Variants in CDC14A observed in about 807,000 individuals in gnomAD.
CDC14A encodes the protein cell division cycle 14A.
Under a neutral mutation model 74.4 loss-of-function variants are expected in CDC14A, and 53 were observed. The ratio of observed to expected loss-of-function variants is 0.71; its 90% CI spans 0.57 to 0.89. CDC14A has a LOEUF of 0.89. Among genes scored for constraint, CDC14A ranks in the 40% least tolerant of loss-of-function variants. The probability of loss-of-function intolerance (pLI) is 0.00; values close to 1 mark genes in which losing one functional copy is unlikely to be tolerated. For missense variants in CDC14A, 646 were observed against 713.7 expected (o/e 0.91, Z 1.08); for synonymous variants, 247 against 258.4 (o/e 0.96, Z 0.43).
chr1:100,459,833 C>G (rs1025029548), intron 8 of CDC14A, among the ~76,000 whole-genome samples: 4 of 152,228 alleles, frequency 2.6e-5, no homozygotes, highest in African/African-American at 7.2e-5. Flanking sequence ...AAGCCACAAA[C>G]AGTTGTTCAC....
intron 4 of CDC14A, among the ~76,000 whole-genome samples, chr1:100,413,232 G>A (rs1470561988): frequency 6.6e-6 from 1 of 152,114 alleles, no homozygotes; most frequent in Non-Finnish European, 1.5e-5. Context: ...CTTTCTCTAA[G>A]CAACAACTCT....
intron 2 of CDC14A, among the ~76,000 whole-genome samples, chr1:100,361,723 G>A (rs941100732): frequency 6.6e-6 from 1 of 152,214 alleles, no homozygotes; most frequent in Non-Finnish European, 1.5e-5. Flanking sequence ...GGAGTCACAG[G>A]TCACAGCAGC....
At chr1:100,452,407 G>T (rs1416755747) in intron 7 of CDC14A, among the ~76,000 whole-genome samples, 1 of 152,132 alleles carries the variant, frequency 6.6e-6, no homozygotes, top group Non-Finnish European at 1.5e-5. Flanking sequence ...AGCTACTTGG[G>T]AGGCTAAAGC....
At chr1:100,418,743 T>A (rs905636548) in intron 4 of CDC14A, among the ~76,000 whole-genome samples, 27 of 152,202 alleles carry the variant, frequency 1.8e-4, no homozygotes, top group Non-Finnish European at 4.0e-4. Flanking sequence ...AATTTAAGAC[T>A]CAGGGCCTTT....
In CDC14A at chr1:100,356,035, A is replaced by T. The variant is rs189526014; in HGVS notation, c.140+2183A>T. Among the ~76,000 whole-genome samples, 504 of 151,770 alleles carry T rather than the reference A, an allele frequency of 3.3e-3. 2 individuals are homozygous for T. The highest frequency in any genetic ancestry group is 4.7e-3 in the Non-Finnish European group (317 of 67,994). ...GAGAGGAGGGATCTTGGAAAACAGC[A>T]AGTGTGAGGAGGGGAGAGGCTTGGG... is the stretch of plus-strand genomic sequence containing the variant. On this transcript the variant is annotated intron_variant, in intron 2 of 15. Transcript: ENST00000336454.
At chr1:100,449,153 A>G (rs1665863550) in intron 7 of CDC14A, among the ~76,000 whole-genome samples, 1 of 152,188 alleles carries the variant, frequency 6.6e-6, no homozygotes, top group South Asian at 2.1e-4. Context: ...CTATTCTAGA[A>G]AGTGATTTCA....
At position 100,519,008 on chromosome 1, in the gene CDC14A, G is replaced by C. The variant is rs964253814; in HGVS notation, c.*728G>C. ...CAATTTGAGTTAGTTTTGCATCCTG[G>C]GGGGCTTTAAAATACAGCATGCAGT... On this transcript the variant is annotated 3_prime_UTR_variant, in exon 16 of 16. Transcript: ENST00000336454. 5 of 152,024 alleles carry C rather than the reference G, an allele frequency of 3.3e-5. No homozygotes were observed. Among genetic ancestry groups the C allele is most frequent in the Admixed American group, 2.0e-4 (3 of 15,266 alleles). 9.4% of individuals were successfully genotyped at this position (152,024 alleles called of 1,614,324 possible).
At chr1:100,360,754 C>G (rs547949562) in intron 2 of CDC14A, among the ~76,000 whole-genome samples, 1 of 152,252 alleles carries the variant, frequency 6.6e-6, no homozygotes, top group Admixed American at 6.5e-5. Context: ...GAGTTGATCT[C>G]TAATCTTCAT....
chr1:100,383,677 G>A (rs991941898), intron 3 of CDC14A: 4 of 152,508 alleles, frequency 2.6e-5, no homozygotes, highest in African/African-American at 9.7e-5. Flanking sequence ...CGGTCCCTGT[G>A]CTGTGATCTC....
intron 15 of CDC14A, among the ~76,000 whole-genome samples, chr1:100,507,739 C>T (rs1666482142): frequency 6.6e-6 from 1 of 152,124 alleles, no homozygotes. Context: ...TCTCAGCTCA[C>T]TGCAACCTCC....
intron 15 of CDC14A, among the ~76,000 whole-genome samples, chr1:100,517,634 T>G (rs750230020): frequency 6.6e-6 from 1 of 152,232 alleles, no homozygotes; most frequent in Non-Finnish European, 1.5e-5. Flanking sequence ...TATGGTTTAC[T>G]TGAAAATTGC....
intron 5 of CDC14A, among the ~76,000 whole-genome samples, chr1:100,428,386 AG>A (rs1163295478): frequency 1.3e-5 from 2 of 152,138 alleles, no homozygotes; most frequent in African/African-American, 4.8e-5. Flanking sequence ...ATCAGGGGAA[AG>A]GGGTGTTTTT....
intron 1 of CDC14A, among the ~76,000 whole-genome samples, chr1:100,346,048 G>A (rs764846643): frequency 2.6e-5 from 4 of 152,076 alleles, no homozygotes; most frequent in Non-Finnish European, 4.4e-5. Context: ...GTGGGCACCT[G>A]TAATCCCAGC....
chr1:100,457,955 T>C (rs1392921548), intron 8 of CDC14A, among the ~76,000 whole-genome samples: 1 of 152,188 alleles, frequency 6.6e-6, no homozygotes, highest in Admixed American at 6.5e-5. Flanking sequence ...ATAGAATCAC[T>C]AGATAAAAGG....
intron 15 of CDC14A, among the ~76,000 whole-genome samples, chr1:100,499,796 C>G (rs1313896110): frequency 6.6e-6 from 1 of 152,080 alleles, no homozygotes; most frequent in African/African-American, 2.4e-5. Flanking sequence ...TATTTCACCT[C>G]CTGCAAGGAA....
intron 11 of CDC14A, among the ~76,000 whole-genome samples, chr1:100,491,548 C>CTATATATATA (rs67056785): frequency 3.1e-4 from 12 of 38,758 alleles, no homozygotes; most frequent in East Asian, 1.2e-3. Flanking sequence ...CTCTCTCTCT[C>CTATATATATA]TATATATATA....
At chr1:100,498,048 A>G (rs781236505) in intron 13 of CDC14A, 37 bp from the exon 14 acceptor site, 25 of 1,598,012 alleles carry the variant, frequency 1.6e-5, no homozygotes, top group Admixed American at 7.0e-5. Flanking sequence ...AGATAAGACT[A>G]CTTTATTGTG....
intron 1 of CDC14A, chr1:100,345,327 T>A (rs1267610542): frequency 1.3e-5 from 2 of 152,190 alleles, no homozygotes; most frequent in East Asian, 3.8e-4. Context: ...TTAATATTAA[T>A]AATATTTGTA....
At chr1:100,478,458 G>T (rs977873224) in intron 10 of CDC14A, among the ~76,000 whole-genome samples, 8 of 152,098 alleles carry the variant, frequency 5.3e-5, no homozygotes, top group African/African-American at 1.9e-4. Context: ...TGACCTCGGG[G>T]ATCATCATCT....
Sources: gnomAD v4.1 joint callset for allele counts (sites outside exome capture counted in the v4.1 genomes callset) on GRCh38, gnomAD v4.1.1 for gene constraint, MANE v1.5 for transcripts, NCBI Gene and HGNC (gene_info 2026-07-23, HGNC 2026-07-21) for gene names.